Variants in AGAP1 observed in about 807,000 individuals in gnomAD.
AGAP1 encodes arf-GAP with GTPase, ANK repeat and PH domain-containing protein 1.
AGAP1 carries 29 observed loss-of-function variants against 105.3 expected under a neutral mutation model. The ratio of observed to expected loss-of-function variants is 0.28; its 90% CI spans 0.21 to 0.38. The LOEUF (loss-of-function observed/expected upper bound fraction) is 0.38. Ranked by LOEUF, AGAP1 falls within the 10% of genes least tolerant of loss-of-function variation. The pLI, the probability that AGAP1 is intolerant of heterozygous loss-of-function variation, is 1.00. For missense variants in AGAP1, 998 were observed against 1,165.1 expected, an observed-to-expected ratio of 0.86 and a Z score of 2.09; for synonymous variants, 509 against 485.9, an observed-to-expected ratio of 1.05 and a Z score of -0.63.
At chr2:235,898,616 G>A (rs1471625583) in intron 10 of AGAP1, among the ~76,000 whole-genome samples, 4 of 152,120 alleles carry the variant, frequency 2.6e-5, no homozygotes, top group Non-Finnish European at 5.9e-5. Flanking sequence ...AAGTCAAAGG[G>A]AAAATAGTTC....
At chr2:235,676,903 G>A (rs1016446273) in intron 1 of AGAP1, among the ~76,000 whole-genome samples, 2 of 152,218 alleles carry the variant, frequency 1.3e-5, no homozygotes, top group African/African-American at 4.8e-5. Context: ...ATTAAGAACA[G>A]AATTGGTATT....
intron 1 of AGAP1, among the ~76,000 whole-genome samples, chr2:235,675,847 C>T (rs1011976062): frequency 2.0e-5 from 3 of 152,152 alleles, no homozygotes; most frequent in African/African-American, 7.2e-5. Flanking sequence ...ACATCTTTCT[C>T]TTTGATAAGT....
At position 235,769,534 on chromosome 2, in the gene AGAP1, A is replaced by ATGGTTGTTAAAGAAATGCAAACAGT. The variant is rs1955247244; in HGVS notation, c.673+19048_673+19072dup. On this transcript the variant is annotated intron_variant, in intron 6 of 17. Transcript: ENST00000304032. This position sits in a 1 kb window ranked among gnomAD's most constrained non-coding sequence, Gnocchi z 4.4. Reference sequence around the variant, plus strand: ...CTTCCTGGGCAGGCCCTTTGCCCAAATGGTTGTTAAAGAAATGCAAACAGT... The same window carrying ATGGTTGTTAAAGAAATGCAAACAGT: ...CTTCCTGGGCAGGCCCTTTGCCCAAATGGTTGTTAAAGAAATGCAAACAGTTGGTTGTTAAAGAAATGCAAACAGT... 6.6e-6 allele frequency among the ~76,000 whole-genome samples: 1 copy of ATGGTTGTTAAAGAAATGCAAACAGT among 152,200 alleles called. No individual in the cohort carries two copies. The highest frequency in any genetic ancestry group is 1.5e-5 in the Non-Finnish European group (1 of 68,038).
At chr2:235,707,135 G>A (rs1442531119) in intron 1 of AGAP1, among the ~76,000 whole-genome samples, 1 of 152,254 alleles carries the variant, frequency 6.6e-6, no homozygotes, top group African/African-American at 2.4e-5. Flanking sequence ...GTCAGTGGGA[G>A]GAGAGTAGAG....
At chr2:235,520,951 T>C (rs1236150162) in intron 1 of AGAP1, among the ~76,000 whole-genome samples, 1 of 152,196 alleles carries the variant, frequency 6.6e-6, no homozygotes, top group Non-Finnish European at 1.5e-5. Flanking sequence ...GACATGACAT[T>C]GACCACTTCC....
intron 1 of AGAP1, among the ~76,000 whole-genome samples, chr2:235,699,458 C>G (rs1950153736): frequency 6.6e-6 from 1 of 151,974 alleles, no homozygotes; most frequent in Non-Finnish European, 1.5e-5. Context: ...TACTTTTTTC[C>G]CCTGGAGTTC....
At chr2:235,998,900 G>A (rs2055940310) in intron 13 of AGAP1, among the ~76,000 whole-genome samples, 1 of 151,314 alleles carries the variant, frequency 6.6e-6, no homozygotes, top group Admixed American at 6.6e-5. Context: ...TGGTAGTGGT[G>A]ACGGCAATGA....
rs1947749966 is a variant in AGAP1 at position 235,655,721 on chromosome 2, C to A, written c.164-53458C>A. 6.6e-6 allele frequency among the ~76,000 whole-genome samples: 1 copy of A among 152,176 alleles called. No homozygotes were observed. Among genetic ancestry groups the A allele is most frequent in the Admixed American group, 6.5e-5 (1 of 15,280 alleles). On this transcript the variant is annotated intron_variant, in intron 1 of 17. Transcript: ENST00000304032. This position sits in a 1 kb window ranked among gnomAD's most constrained non-coding sequence, Gnocchi z 4.3. ...CTGCAAGTCCACATGGAGCAGGATT[C>A]CTTATTTTGTGAAGAAAGGATCTTT...
At position 235,769,699 on chromosome 2, in the gene AGAP1, T is replaced by TG. The variant is rs1480219533; in HGVS notation, c.673+19212dup. ...CGTGGTCAAAATCTCGGGGAGGCAG[T>TG]GAAAAAAAAACGAAAGCAGTGACTA... On this transcript the variant is annotated intron_variant, in intron 6 of 17. Coordinates refer to ENST00000304032, the MANE Select transcript of AGAP1 (RefSeq NM_001037131.3). The surrounding 1 kb of genome is among the most constrained non-coding windows in gnomAD (Gnocchi z 4.4). 6.6e-6 allele frequency among the ~76,000 whole-genome samples: 1 copy of TG among 151,594 alleles called. No homozygotes were observed. The highest frequency in any genetic ancestry group is 1.5e-5 in the Non-Finnish European group (1 of 67,878).
chr2:235,516,632 G>A (rs1369957607), intron 1 of AGAP1, among the ~76,000 whole-genome samples: 1 of 152,174 alleles, frequency 6.6e-6, no homozygotes, highest in Non-Finnish European at 1.5e-5. Context: ...GGACCCGGCA[G>A]GAATGTGTTT....
chr2:235,604,372 C>G (rs1478063350), intron 1 of AGAP1, among the ~76,000 whole-genome samples: 1 of 151,416 alleles, frequency 6.6e-6, no homozygotes, highest in African/African-American at 2.4e-5. Context: ...GTGCCAGCTA[C>G]TCGGGAAGCT....
chr2:235,729,364 C>G lies in AGAP1; in HGVS notation c.311-11599C>G, dbSNP rs1479513889. 1.3e-5 allele frequency among the ~76,000 whole-genome samples: 2 copies of G among 152,166 alleles called. No individual in the cohort carries two copies. Among genetic ancestry groups the G allele is most frequent in the Non-Finnish European group, 2.9e-5 (2 of 68,038 alleles). On this transcript the variant is annotated intron_variant, in intron 3 of 17. Transcript: ENST00000304032. This position sits in a 1 kb window ranked among gnomAD's most constrained non-coding sequence, Gnocchi z 5.0. The stretch of plus-strand genomic sequence containing the variant: ...CGGCTGGGAGCCCCAGGGAGCCTGG[C>G]AGTACCTCAGTGGCAGATGCAGCTC...
At chr2:235,749,019 C>T (rs1280148906) in intron 5 of AGAP1, among the ~76,000 whole-genome samples, 1 of 152,088 alleles carries the variant, frequency 6.6e-6, no homozygotes, top group Non-Finnish European at 1.5e-5. Flanking sequence ...ACCAGCCTGG[C>T]CAACATGGTG....
chr2:236,098,005 A>G (rs184067178), intron 16 of AGAP1, among the ~76,000 whole-genome samples: 80 of 152,322 alleles, frequency 5.3e-4, no homozygotes, highest in African/African-American at 1.7e-3. Flanking sequence ...GTCCCTGAAT[A>G]TTAGAATATG....
chr2:235,687,606 A>C (rs1006081243), intron 1 of AGAP1, among the ~76,000 whole-genome samples: 1 of 152,240 alleles, frequency 6.6e-6, no homozygotes, highest in African/African-American at 2.4e-5. Flanking sequence ...TTATTACATG[A>C]GGACCAGTGT....
Position 235,777,036 on chromosome 2 carries a change from T to C in AGAP1, c.674-20723T>C, listed in dbSNP as rs1955927563. The C allele has an allele frequency of 2.1e-6, 1 of 471,056 alleles. No individual in the cohort carries two copies. Among genetic ancestry groups the C allele is most frequent in the Non-Finnish European group, 4.4e-6 (1 of 227,062 alleles). The allele number at this position is 471,056 out of a possible 1,614,324, so 29.2% of individuals were successfully genotyped here. A position where few individuals can be genotyped will look rare whatever the true frequency, so the allele number is the denominator to read the frequency against. On this transcript the variant is annotated intron_variant, in intron 6 of 17. Coordinates refer to ENST00000304032, the MANE Select transcript of AGAP1 (RefSeq NM_001037131.3). The surrounding 1 kb of genome is among the most constrained non-coding windows in gnomAD (Gnocchi z 5.1). ...AGCGTCTGCTCTTGAGAGGCCAGGC[T>C]GGATCCTGCAGAGAAACGAGGAAGT...
In AGAP1 at chr2:235,578,717, G is replaced by A. The variant is rs914689851; in HGVS notation, c.163+83868G>A. Among the ~76,000 whole-genome samples, 6 of 151,778 alleles carry A rather than the reference G, an allele frequency of 4.0e-5. No homozygotes were observed. The highest frequency in any genetic ancestry group is 3.9e-4 in the East Asian group (2 of 5,156). ...GGAGAATTGCTTGAACCCAGGAGGC[G>A]GAGGTTGCAGTAAGCCGACATTGTG... On this transcript the variant is annotated intron_variant, in intron 1 of 17. Coordinates refer to ENST00000304032, the MANE Select transcript of AGAP1 (RefSeq NM_001037131.3). The surrounding 1 kb of genome is among the most constrained non-coding windows in gnomAD (Gnocchi z 4.9).
At position 235,865,477 on chromosome 2, in the gene AGAP1, C is replaced by A. The variant is rs1220622285; in HGVS notation, c.1051-17868C>A. On this transcript the variant is annotated intron_variant, in intron 9 of 17. Coordinates refer to ENST00000304032, the MANE Select transcript of AGAP1 (RefSeq NM_001037131.3). The surrounding 1 kb of genome is among the most constrained non-coding windows in gnomAD (Gnocchi z 6.2). The stretch of plus-strand genomic sequence containing the variant: ...TGCTGACAGCTCAATTAAAGTGTAA[C>A]CCTTTGTGCCCTGCAACCTGGCACA... Among the ~76,000 whole-genome samples, 2 of 152,174 alleles carry A rather than the reference C, an allele frequency of 1.3e-5. No homozygotes were observed. Among genetic ancestry groups the A allele is most frequent in the African/African-American group, 4.8e-5 (2 of 41,430 alleles).
At position 236,040,196 on chromosome 2, in the gene AGAP1, G is replaced by T. The variant is rs887743944; in HGVS notation, c.1801-555G>T. On this transcript the variant is annotated intron_variant, in intron 14 of 17. Transcript: ENST00000304032. The surrounding 1 kb of genome is among the most constrained non-coding windows in gnomAD (Gnocchi z 5.6). ...AGAATCAGCACTCCCAGCTATACTC[G>T]TGTTTCTCCCTGCCCCCACCCTGGC... Among the ~76,000 whole-genome samples the T allele has an allele frequency of 6.6e-6, 1 of 152,126 alleles. No individual in the cohort carries two copies. Among genetic ancestry groups the T allele is most frequent in the African/African-American group, 2.4e-5 (1 of 41,424 alleles).
Sources: allele counts gnomAD v4.1 joint callset (sites outside exome capture counted in the v4.1 genomes callset), GRCh38; gene constraint gnomAD v4.1.1; non-coding constraint Gnocchi (gnomAD v3.1); transcripts MANE v1.5; gene names NCBI Gene and HGNC (gene_info 2026-07-23, HGNC 2026-07-21).